Variants in NOL4L observed in about 807,000 individuals in gnomAD.
The protein encoded by NOL4L is nucleolar protein 4 like, also known as nucleolar protein 4-like.
A neutral mutation model predicts 64.5 loss-of-function variants in NOL4L; 7 were observed. The ratio of observed to expected loss-of-function variants is 0.11; its 90% CI spans 0.06 to 0.20. The LOEUF (loss-of-function observed/expected upper bound fraction) is 0.20. Among genes scored for constraint, NOL4L ranks in the 10% least tolerant of loss-of-function variants. NOL4L has a pLI of 1.00. For missense variants in NOL4L, 680 were observed against 967.1 expected (o/e 0.70, Z 3.94); for synonymous variants, 413 against 401.0 (o/e 1.03, Z -0.36).
intron 1 of NOL4L, among the ~76,000 whole-genome samples, chr20:32,555,950 C>T (rs1436374475): frequency 6.6e-6 from 1 of 152,094 alleles, no homozygotes; most frequent in African/African-American, 2.4e-5. Context: ...CCTGTGAATG[C>T]TCTTTCCTTC....
chr20:32,561,873 C>T (rs1979041676), intron 1 of NOL4L, among the ~76,000 whole-genome samples: 1 of 152,144 alleles, frequency 6.6e-6, no homozygotes, highest in Non-Finnish European at 1.5e-5. Flanking sequence ...CCTGTAGTCC[C>T]AGCTATTCGG....
intron 4 of NOL4L, chr20:32,509,837 G>A (rs1207978905): frequency 7.7e-7 from 1 of 1,303,964 alleles, no homozygotes; most frequent in Non-Finnish European, 1.0e-6. Flanking sequence ...AGGGGGCTGT[G>A]CTTCCGGCTG....
At chr20:32,582,991 T>G (rs1006640268) in intron 1 of NOL4L, among the ~76,000 whole-genome samples, 1 of 151,790 alleles carries the variant, frequency 6.6e-6, no homozygotes, top group African/African-American at 2.4e-5. Flanking sequence ...GCGAGAGTGC[T>G]GATTTAGGCT....
At chr20:32,549,323 A>G (rs933816339) in intron 1 of NOL4L, among the ~76,000 whole-genome samples, 1 of 152,218 alleles carries the variant, frequency 6.6e-6, no homozygotes, top group African/African-American at 2.4e-5. Context: ...ATATTTCTTC[A>G]ATAGAGATAT....
intron 4 of NOL4L, chr20:32,475,159 C>G (rs79568594): frequency 0.039 from 38,770 of 985,462 alleles, 894 homozygotes; most frequent in Non-Finnish European, 0.044. Flanking sequence ...ACATGCCCGC[C>G]ACCAGGCACT....
At chr20:32,583,452 C>CGGAGGGG (rs1980631341) in intron 1 of NOL4L, among the ~76,000 whole-genome samples, 1 of 108,332 alleles carries the variant, frequency 9.2e-6, no homozygotes, top group Non-Finnish European at 2.0e-5. Context: ...GGGAGGAGCG[C>CGGAGGGG]GGAGGGGGGA....
chr20:32,531,472 C>T (rs2018345812), intron 1 of NOL4L, among the ~76,000 whole-genome samples: 2 of 151,966 alleles, frequency 1.3e-5, no homozygotes, highest in Admixed American at 6.5e-5. Flanking sequence ...CCTGCCTCGG[C>T]CTCCCAAGTA....
chr20:32,542,715 A>G (rs938837677), intron 1 of NOL4L, among the ~76,000 whole-genome samples: 2 of 152,148 alleles, frequency 1.3e-5, no homozygotes, highest in African/African-American at 2.4e-5. Context: ...TCCATGCCTC[A>G]GTTTCCCCAG....
chr20:32,582,465 G>C (rs1980541173), intron 1 of NOL4L, among the ~76,000 whole-genome samples: 1 of 152,204 alleles, frequency 6.6e-6, no homozygotes, highest in Non-Finnish European at 1.5e-5. Flanking sequence ...CCTGGATAGG[G>C]GGAGGGGGTG....
At chr20:32,535,789 A>T (rs3746615) in intron 1 of NOL4L, 240,061 of 984,912 alleles carry the variant, frequency 0.24, 31,495 homozygotes, top group East Asian at 0.76. Context: ...AAAGGGGCAC[A>T]GTGGGCCACA....
chr20:32,504,695 C>T (rs2017070135), intron 4 of NOL4L, among the ~76,000 whole-genome samples: 1 of 151,800 alleles, frequency 6.6e-6, no homozygotes, highest in African/African-American at 2.4e-5. Context: ...ACCTCTGCCT[C>T]CCAGGTTCAA....
intron 4 of NOL4L, among the ~76,000 whole-genome samples, chr20:32,488,871 CT>C (rs1256291025): frequency 2.4e-5 from 2 of 83,930 alleles, no homozygotes; most frequent in South Asian, 7.5e-4. Flanking sequence ...TTCTTTCTTT[CT>C]TTCTTTCTTT....
intron 5 of NOL4L, among the ~76,000 whole-genome samples, chr20:32,459,116 G>A (rs2013814470): frequency 6.6e-6 from 1 of 152,230 alleles, no homozygotes; most frequent in Non-Finnish European, 1.5e-5. Flanking sequence ...GGTTGGGCGG[G>A]TAAGACCCGT....
chr20:32,488,798 T>C (rs376107171), intron 4 of NOL4L, among the ~76,000 whole-genome samples: 11,593 of 39,502 alleles, frequency 0.29, 1,564 homozygotes, highest in East Asian at 0.58. Flanking sequence ...TTCCTTTCTT[T>C]CTTTCTTTTT....
intron 5 of NOL4L, among the ~76,000 whole-genome samples, chr20:32,458,436 C>A (rs1156685785): frequency 6.6e-6 from 1 of 152,226 alleles, no homozygotes; most frequent in Non-Finnish European, 1.5e-5. Flanking sequence ...TGCCAGGGAT[C>A]CTCATGCTCC....
At chr20:32,476,731 C>G (rs293533) in intron 4 of NOL4L, among the ~76,000 whole-genome samples, 1 of 152,282 alleles carries the variant, frequency 6.6e-6, no homozygotes, top group South Asian at 2.1e-4. Context: ...TGGCACCCCT[C>G]GATCCACGAG....
intron 4 of NOL4L, chr20:32,509,699 TAC>T: frequency 8.3e-7 from 1 of 1,198,200 alleles, no homozygotes; most frequent in South Asian, 1.5e-5. Flanking sequence ...CAAGTGAAGA[TAC>T]AGTTAGGATT....
At position 32,528,269 on chromosome 20, in the gene NOL4L, G is replaced by T. The variant is rs868140180; in HGVS notation, c.322-356C>A. Among the ~76,000 whole-genome samples the T allele has an allele frequency of 8.5e-5, 13 of 152,354 alleles. 1 individual carries two copies. In the Middle Eastern group the frequency reaches 0.02, roughly 239 times the overall value. On this transcript the variant is annotated intron_variant, in intron 1 of 10. Coordinates refer to ENST00000621426, the MANE Select transcript of NOL4L (RefSeq NM_001256798.2). ...ATCCTGGAAGTCTCTGGGGAGGGGGGAGTGCTAAATAGATGCGGCCCCATC... is the reference window on the plus strand; with the variant it reads ...ATCCTGGAAGTCTCTGGGGAGGGGGTAGTGCTAAATAGATGCGGCCCCATC...
At position 32,537,881 on chromosome 20, in the gene NOL4L, C is replaced by T. The variant is rs144184455; in HGVS notation, c.322-9968G>A. Among the ~76,000 whole-genome samples the T allele has an allele frequency of 2.3e-4, 35 of 152,018 alleles. No homozygotes were observed. In the East Asian group the frequency reaches 6.0e-3, roughly 26 times the overall value. On this transcript the variant is annotated intron_variant, in intron 1 of 10. Transcript: ENST00000621426. The stretch of plus-strand genomic sequence containing the variant: ...GCAACCTCCGGCTCCTGGGTTCAAG[C>T]GATTCTCCTGCTACAGCCTCCCGAG...
Sources: allele counts gnomAD v4.1 joint callset (sites outside exome capture counted in the v4.1 genomes callset), GRCh38; gene constraint gnomAD v4.1.1; transcripts MANE v1.5; gene names NCBI Gene and HGNC (gene_info 2026-07-23, HGNC 2026-07-21).